SEC14L1: variants seen among roughly 807,000 people sequenced by gnomAD.
SEC14L1 encodes the protein SEC14 like lipid binding 1, also known as SEC14-like protein 1.
In SEC14L1, 48 loss-of-function variants were observed where a neutral mutation model predicts 85.3. The ratio of observed to expected loss-of-function variants is 0.56; its 90% CI spans 0.45 to 0.72. The LOEUF (loss-of-function observed/expected upper bound fraction) is 0.72. SEC14L1 is among the 30% of genes least tolerant of loss of function. The pLI is 0.00. For missense variants in SEC14L1, 682 were observed against 921.4 expected, an observed-to-expected ratio of 0.74 and a Z score of 3.36; for synonymous variants, 391 against 355.5, an observed-to-expected ratio of 1.10 and a Z score of -1.12.
At chr17:77,136,146 A>C (rs951555150), upstream of SEC14L1, among the ~76,000 whole-genome samples, 1 of 151,746 alleles carries the variant, frequency 6.6e-6, no homozygotes, top group African/African-American at 2.4e-5. Context: ...AAGTGTTGAG[A>C]TTACAGGCGT....
At chr17:77,166,079 G>T (rs1400800300) in intron 3 of SEC14L1, among the ~76,000 whole-genome samples, 2 of 152,186 alleles carry the variant, frequency 1.3e-5, no homozygotes, top group Non-Finnish European at 2.9e-5. Flanking sequence ...GTGTTGCACA[G>T]AACAGTAGCC....
At chr17:77,208,739 T>C (rs893515109) in intron 13 of SEC14L1, among the ~76,000 whole-genome samples, 1 of 152,236 alleles carries the variant, frequency 6.6e-6, no homozygotes, top group Non-Finnish European at 1.5e-5. Context: ...CCAAGGCTAA[T>C]AGAACGAGGA....
chr17:77,092,015 T>C (rs925649077), intron 2 of SEC14L1, among the ~76,000 whole-genome samples: 2 of 152,150 alleles, frequency 1.3e-5, no homozygotes, highest in African/African-American at 4.8e-5. Context: ...TTTCGCCATT[T>C]TGGCCACGCT....
At chr17:77,128,904 G>C (rs1462970263) in intron 3 of SEC14L1, among the ~76,000 whole-genome samples, 1 of 152,090 alleles carries the variant, frequency 6.6e-6, no homozygotes, top group African/African-American at 2.4e-5. Flanking sequence ...TATAGACAAT[G>C]GTTTGCCAAG....
chr17:77,198,715 A>G (rs1975948598), intron 8 of SEC14L1, among the ~76,000 whole-genome samples: 2 of 151,454 alleles, frequency 1.3e-5, no homozygotes, highest in Non-Finnish European at 2.9e-5. Flanking sequence ...GCTGGGACTC[A>G]GGCACCCGCC....
intron 3 of SEC14L1, among the ~76,000 whole-genome samples, chr17:77,176,820 C>T (rs1974777738): frequency 6.6e-6 from 1 of 152,152 alleles, no homozygotes; most frequent in South Asian, 2.1e-4. Flanking sequence ...CTCCCAACCT[C>T]AGGTGATCCG....
At chr17:77,138,289 A>C (rs999365119), upstream of SEC14L1, among the ~76,000 whole-genome samples, 1 of 152,108 alleles carries the variant, frequency 6.6e-6, no homozygotes, top group East Asian at 1.9e-4. Flanking sequence ...TTTGTGGCTA[A>C]TGTTAGTCCT....
At position 77,212,162 on chromosome 17, in the gene SEC14L1, G is replaced by A; in HGVS notation, c.1824G>A (p.Val608=). 1 of 1,614,070 alleles carries A rather than the reference G, an allele frequency of 6.2e-7. No individual in the cohort carries two copies. Among genetic ancestry groups the A allele is most frequent in the Non-Finnish European group, 8.5e-7 (1 of 1,180,044 alleles). The change falls in exon 15 of 17, where the codon GTG becomes GTA. Residue 608 remains valine (V), a synonymous_variant. Transcript: ENST00000436233. ...AGCTGGGCCGCGACTACAGCATGGT[G>A]GAGTCGCCTCTGATCTGCAAAGAAG... The part of the protein sequence containing the change: ...VWQLGRDYSM[V]ESPLICKEGE...
intron 3 of SEC14L1, among the ~76,000 whole-genome samples, chr17:77,172,017 A>G (rs1463494630): frequency 6.6e-6 from 1 of 152,162 alleles, no homozygotes; most frequent in Non-Finnish European, 1.5e-5. Context: ...ACAGAAGTTT[A>G]ATATTTACTG....
intron 3 of SEC14L1, among the ~76,000 whole-genome samples, chr17:77,134,303 G>A (rs1292649190): frequency 1.3e-5 from 2 of 150,162 alleles, no homozygotes; most frequent in African/African-American, 2.5e-5. Context: ...AGGCTGTAGT[G>A]CAGTGCTGCA....
Position 77,215,026 on chromosome 17 carries a change from T to C in SEC14L1, c.*1003T>C, listed in dbSNP as rs1976969522. 1 of 985,318 alleles carries C rather than the reference T, an allele frequency of 1.0e-6. No individual in the cohort carries two copies. Among genetic ancestry groups the C allele is most frequent in the Non-Finnish European group, 1.2e-6 (1 of 830,054 alleles). 61.0% of individuals were successfully genotyped at this position (985,318 alleles called of 1,614,324 possible). A position where few individuals can be genotyped will look rare whatever the true frequency, so the allele number is the denominator to read the frequency against. On this transcript the variant is annotated 3_prime_UTR_variant, in exon 17 of 17. Transcript: ENST00000436233. ...CAGGGTGGCGTGTGGCATGTAGGAG[T>C]CCTGCTTCTTTGTACATGGGAATTG...
At chr17:77,136,096 C>T (rs756892690), upstream of SEC14L1, among the ~76,000 whole-genome samples, 8 of 151,676 alleles carry the variant, frequency 5.3e-5, no homozygotes, top group Non-Finnish European at 8.8e-5. Flanking sequence ...AGGATGGTTT[C>T]GATCTCCTGA....
At chr17:77,162,691 G>A (rs903248384) in intron 3 of SEC14L1, among the ~76,000 whole-genome samples, 9 of 151,964 alleles carry the variant, frequency 5.9e-5, no homozygotes, top group Non-Finnish European at 1.0e-4. Flanking sequence ...ATGAACTGGC[G>A]TGGTGGTACG....
chr17:77,194,871 C>T lies in SEC14L1; in HGVS notation c.669C>T (p.Ser223=). The part of the protein sequence containing the change: ...LKEGLSGDAL[S]SPSAPEPVVG... ...AGGGGCTGAGTGGTGATGCCCTCAG[C>T]AGCCCCAGCGCACCTGAGCCCGTGG... The change falls in exon 7 of 17, where the codon AGC becomes AGT. Residue 223 remains serine (S), a synonymous_variant. Transcript: ENST00000436233. 1.2e-6 allele frequency: 2 copies of T among 1,614,222 alleles called. No homozygotes were observed. Among genetic ancestry groups the T allele is most frequent in the Non-Finnish European group, 1.7e-6 (2 of 1,180,022 alleles).
chr17:77,124,243 A>G (rs1373184406), intron 3 of SEC14L1, among the ~76,000 whole-genome samples: 6 of 152,188 alleles, frequency 3.9e-5, no homozygotes, highest in Admixed American at 3.9e-4. Flanking sequence ...GTGCGCCTAT[A>G]GTCTCAGCTA....
intron 3 of SEC14L1, among the ~76,000 whole-genome samples, chr17:77,096,603 T>C (rs1971654131): frequency 6.6e-6 from 1 of 151,872 alleles, no homozygotes; most frequent in Non-Finnish European, 1.5e-5. Context: ...AGAAAAGGTA[T>C]AGAAATTAAA....
At position 77,205,497 on chromosome 17, in the gene SEC14L1, G is replaced by A. The variant is rs545880510; in HGVS notation, c.1169+151G>A. 1.2e-5 allele frequency: 9 copies of A among 727,708 alleles called. No homozygotes were observed. The Admixed American group carries it at 1.9e-4, about 15-fold the overall frequency. The allele number at this position is 727,708 out of a possible 1,614,324, so 45.1% of individuals were successfully genotyped here. A position where few individuals can be genotyped will look rare whatever the true frequency, so the allele number is the denominator to read the frequency against. On this transcript the variant is annotated intron_variant, in intron 11 of 16. Transcript: ENST00000436233. Reference sequence around the variant, plus strand: ...GAACATGTAATATGCCAGTGACGAGGGACAGACAGTTAGTGTTTTTTGACC... The same window carrying A: ...GAACATGTAATATGCCAGTGACGAGAGACAGACAGTTAGTGTTTTTTGACC...
rs1461780220 is a variant in SEC14L1, at chr17:77,214,815, C to G, written c.*792C>G. On this transcript the variant is annotated 3_prime_UTR_variant, in exon 17 of 17. Transcript: ENST00000436233. ...GTTTCCTTCCGTGCGTCGCCCCTCT[C>G]ACCTGCAGTCAGCTCCCAGCCCAGT... is the stretch of plus-strand genomic sequence containing the variant. 2 of 985,444 alleles carry G rather than the reference C, an allele frequency of 2.0e-6. No individual in the cohort carries two copies. The highest frequency in any genetic ancestry group is 6.2e-5 in the Admixed American group (1 of 16,258). The allele number at this position is 985,444 out of a possible 1,614,324, so 61.0% of individuals were successfully genotyped here.
intron 3 of SEC14L1, among the ~76,000 whole-genome samples, chr17:77,151,360 G>A (rs1186100037): frequency 6.6e-6 from 1 of 152,132 alleles, no homozygotes; most frequent in Non-Finnish European, 1.5e-5. Context: ...TTTGAAAATG[G>A]ACAATTAGAG....
Sources: allele counts gnomAD v4.1 joint callset (sites outside exome capture counted in the v4.1 genomes callset), GRCh38; gene constraint gnomAD v4.1.1; transcripts MANE v1.5; gene names NCBI Gene and HGNC (gene_info 2026-07-23, HGNC 2026-07-21).